MIB1: variants seen among roughly 807,000 people sequenced by gnomAD.
The protein encoded by MIB1 is E3 ubiquitin-protein ligase MIB1.
In MIB1, 278 loss-of-function variants were observed where a neutral mutation model predicts 124.5. That is an observed-to-expected ratio of 2.23 (90% confidence interval 2.02 to 2.47). The LOEUF (loss-of-function observed/expected upper bound fraction) is 2.47. Ranked by LOEUF, MIB1 falls within the 30% of genes most tolerant of loss-of-function variation. The pLI is 0.00. For synonymous variants in MIB1, 446 were observed against 429.4 expected, an observed-to-expected ratio of 1.04 and a Z score of -0.48; for missense variants, 957 against 1,254.4, an observed-to-expected ratio of 0.76 and a Z score of 3.58.
At chr18:21,860,237 A>C (rs1222258790) in intron 20 of MIB1, among the ~76,000 whole-genome samples, 1 of 148,862 alleles carries the variant, frequency 6.7e-6, no homozygotes, top group Non-Finnish European at 1.5e-5. Context: ...AGTAGCTGGG[A>C]CTACAGGTGC....
At chr18:21,842,801 T>C (rs1239726560) in intron 13 of MIB1, among the ~76,000 whole-genome samples, 6 of 152,104 alleles carry the variant, frequency 3.9e-5, no homozygotes, top group African/African-American at 1.4e-4. Flanking sequence ...TTCTAAGGAG[T>C]TGATTATCTC....
Position 21,741,501 on chromosome 18 carries a change from C to A in MIB1, c.-83C>A. ...CCCCCGCCGACGCCTAGAGTCCGGC[C>A]CGGGCCCAACTCCCTCACGGGCCCC... On this transcript the variant is annotated 5_prime_UTR_variant, in exon 1 of 21. Transcript: ENST00000261537. The surrounding 1 kb of genome is among the most constrained non-coding windows in gnomAD (Gnocchi z 5.4). 1 of 1,049,676 alleles carries A rather than the reference C, an allele frequency of 9.5e-7. No individual in the cohort carries two copies. Among genetic ancestry groups the A allele is most frequent in the Non-Finnish European group, 1.2e-6 (1 of 817,184 alleles). 65.0% of individuals were successfully genotyped at this position (1,049,676 alleles called of 1,614,324 possible).
intron 7 of MIB1, among the ~76,000 whole-genome samples, chr18:21,792,246 C>T (rs1020385979): frequency 6.6e-6 from 1 of 152,162 alleles, no homozygotes; most frequent in African/African-American, 2.4e-5. Flanking sequence ...CATCTCCTGT[C>T]TCATCCAGCC....
Position 21,843,167 on chromosome 18 carries a change from C to G in MIB1, c.1999C>G (p.Gln667Glu), listed in dbSNP as rs764576733. 6.2e-7 allele frequency: 1 copy of G among 1,605,630 alleles called. No homozygotes were observed. The highest frequency in any genetic ancestry group is 8.5e-7 in the Non-Finnish European group (1 of 1,176,792). The change falls in exon 14 of 21, where the codon CAA becomes GAA. Residue 667 changes from glutamine to glutamate, a missense_variant. Coordinates refer to ENST00000261537, the MANE Select transcript of MIB1 (RefSeq NM_020774.4). ...ANLDIQNVNQ[Q>E]TALHLAVERQ... is the part of the protein sequence containing the mutation. Reference sequence around the variant, plus strand: ...CCTGGATATCCAGAATGTGAACCAACAAACTGCCCTACACCTTGCTGTTGA... The same window carrying G: ...CCTGGATATCCAGAATGTGAACCAAGAAACTGCCCTACACCTTGCTGTTGA...
chr18:21,719,784 T>A (rs902825814), intron 1 of MIB1, among the ~76,000 whole-genome samples: 1 of 151,934 alleles, frequency 6.6e-6, no homozygotes, highest in Non-Finnish European at 1.5e-5. Flanking sequence ...AAAAACTCAC[T>A]CCTATTTACA....
chr18:21,790,211 T>G (rs2041486141), intron 6 of MIB1, among the ~76,000 whole-genome samples: 1 of 152,226 alleles, frequency 6.6e-6, no homozygotes, highest in African/African-American at 2.4e-5. Context: ...TCTATTGGAA[T>G]TGTAAACAAA....
At chr18:21,824,444 CT>C (rs1242567934) in intron 12 of MIB1, among the ~76,000 whole-genome samples, 1 of 152,090 alleles carries the variant, frequency 6.6e-6, no homozygotes, top group African/African-American at 2.4e-5. Flanking sequence ...GTGTTTAATG[CT>C]TTCCTTACAA....
In MIB1 at chr18:21,713,204, A is replaced by G. The variant is rs147131539; in HGVS notation, n.167+8081A>G. On this transcript the variant is annotated intron_variant and non_coding_transcript_variant, in intron 1 of 20. Transcript: ENST00000578646. ...GACTGGTCTTGAACTCCTGGCCTTAAACAATCCCCCCATCTCAGACTCCCA... is the reference window on the plus strand; with the variant it reads ...GACTGGTCTTGAACTCCTGGCCTTAGACAATCCCCCCATCTCAGACTCCCA... Among the ~76,000 whole-genome samples the G allele has an allele frequency of 1.4e-3, 194 of 140,536 alleles. 1 individual carries two copies. Among genetic ancestry groups the G allele is most frequent in the Middle Eastern group, 0.01 (3 of 288 alleles). 92.2% of individuals were successfully genotyped at this position (140,536 alleles called of 152,430 possible).
At chr18:21,786,383 C>T (rs968388985) in intron 6 of MIB1, among the ~76,000 whole-genome samples, 12 of 152,212 alleles carry the variant, frequency 7.9e-5, no homozygotes, top group Admixed American at 1.3e-4. Flanking sequence ...AGGCGTGAGC[C>T]GCTGCGCCCA....
intron 8 of MIB1, among the ~76,000 whole-genome samples, chr18:21,799,334 A>T (rs2041623441): frequency 6.6e-6 from 1 of 152,032 alleles, no homozygotes; most frequent in Admixed American, 6.6e-5. Context: ...AGTTATTAGC[A>T]CTTAGATGTC....
At chr18:21,856,263 AAAC>A (rs1222667044) in intron 18 of MIB1, among the ~76,000 whole-genome samples, 1 of 151,018 alleles carries the variant, frequency 6.6e-6, no homozygotes, top group African/African-American at 2.4e-5. Context: ...ACAAAAAACA[AAAC>A]AAAACAAAAA....
chr18:21,708,549 A>G (rs140542430), intron 1 of MIB1, among the ~76,000 whole-genome samples: 86 of 152,226 alleles, frequency 5.6e-4, no homozygotes, highest in African/African-American at 2.0e-3. Context: ...CCAGCTACTC[A>G]GGAGGCCGAG....
chr18:21,854,266 A>G (rs1286080840), intron 18 of MIB1, among the ~76,000 whole-genome samples: 2 of 152,190 alleles, frequency 1.3e-5, no homozygotes, highest in African/African-American at 4.8e-5. Flanking sequence ...GAAATAGTAA[A>G]TATTTTTGGC....
chr18:21,788,454 A>C (rs2146438819), intron 6 of MIB1, among the ~76,000 whole-genome samples: 1 of 152,348 alleles, frequency 6.6e-6, no homozygotes, highest in East Asian at 1.9e-4. Context: ...AACTGGGACC[A>C]GAAGGGAACT....
chr18:21,781,171 C>A (rs560568038), intron 6 of MIB1, among the ~76,000 whole-genome samples: 1 of 151,410 alleles, frequency 6.6e-6, no homozygotes, highest in Non-Finnish European at 1.5e-5. Context: ...CCCACTTTGA[C>A]CTCCCAAAGT....
intron 1 of MIB1, chr18:21,724,172 A>G (rs2040727217): frequency 6.5e-6 from 1 of 152,712 alleles, no homozygotes; most frequent in Non-Finnish European, 1.5e-5. Context: ...CCAGTTACGG[A>G]AGAAACAGAT....
intron 1 of MIB1, among the ~76,000 whole-genome samples, chr18:21,721,431 T>C (rs543298161): frequency 6.6e-6 from 1 of 152,184 alleles, no homozygotes; most frequent in Non-Finnish European, 1.5e-5. Context: ...TCTGCCCGCC[T>C]CAGCCTCCCA....
At chr18:21,726,063 G>A (rs760262979) in intron 1 of MIB1, among the ~76,000 whole-genome samples, 4 of 152,106 alleles carry the variant, frequency 2.6e-5, no homozygotes, top group Non-Finnish European at 5.9e-5. Context: ...TTTGAAGCAA[G>A]GCAACTCATT....
Position 21,798,613 on chromosome 18 carries a change from C to T in MIB1, c.1237+385C>T, listed in dbSNP as rs983587285. On this transcript the variant is annotated intron_variant, in intron 8 of 20. Coordinates refer to ENST00000261537, the MANE Select transcript of MIB1 (RefSeq NM_020774.4). ...TTCTTTATTTTTTCTGTATTTCCAA[C>T]ATTATTGCTAGCAGATGGCTTTCCT... Among the ~76,000 whole-genome samples, 3 of 152,128 alleles carry T rather than the reference C, an allele frequency of 2.0e-5. No homozygotes were observed. The East Asian group carries it at 5.8e-4, about 29-fold the overall frequency.
Sources: gnomAD v4.1 joint callset for allele counts (sites outside exome capture counted in the v4.1 genomes callset) on GRCh38, gnomAD v4.1.1 for gene constraint, Gnocchi (gnomAD v3.1) non-coding constraint, MANE v1.5 for transcripts, NCBI Gene and HGNC (gene_info 2026-07-23, HGNC 2026-07-21) for gene names.